The following FNDC10 variants were observed in gnomAD, a reference collection of about 807,000 sequenced individuals.
The protein encoded by FNDC10 is fibronectin type III domain containing 10.
In FNDC10, 8 loss-of-function variants were observed where a neutral mutation model predicts 11.6. The ratio of observed to expected loss-of-function variants is 0.69; its 90% CI spans 0.41 to 1.25. FNDC10 has a LOEUF of 1.25. Ranked by LOEUF, FNDC10 falls within the 50% of genes most tolerant of loss-of-function variation. The pLI is 0.01. For missense variants in FNDC10, 308 were observed against 330.2 expected (o/e 0.93, Z 0.52); for synonymous variants, 187 against 162.9 (o/e 1.15, Z -1.12).
Position 1,599,464 on chromosome 1 carries a change from C to G in FNDC10, c.552G>C (p.Val184=), listed in dbSNP as rs1452351602. 2 of 1,534,120 alleles carry G rather than the reference C, an allele frequency of 1.3e-6. No individual in the cohort carries two copies. Among genetic ancestry groups the G allele is most frequent in the Non-Finnish European group, 1.7e-6 (2 of 1,146,236 alleles). Residue 184 remains valine (V), a synonymous_variant, in exon 1 of 1, where the codon GTG becomes GTC. Transcript: ENST00000422725. The surrounding 1 kb of genome is among the most constrained non-coding windows in gnomAD (Gnocchi z 6.7). The part of the protein sequence containing the change: ...TAEPAGMQDI[V]VAMTAVGGSI... ...AGCCGCCCACCGCCGTCATGGCCAC[C>G]ACGATGTCCTGCATGCCGGCCGGCT... is the stretch of plus-strand genomic sequence containing the variant.
At position 1,599,035 on chromosome 1, in the gene FNDC10, G is replaced by T; in HGVS notation, c.*300C>A. The T allele has an allele frequency of 2.2e-6, 1 of 449,168 alleles. No homozygotes were observed. The highest frequency in any genetic ancestry group is 3.9e-6 in the Non-Finnish European group (1 of 254,828). 27.8% of individuals were successfully genotyped at this position (449,168 alleles called of 1,614,324 possible). A position where few individuals can be genotyped will look rare whatever the true frequency, so the allele number is the denominator to read the frequency against. On this transcript the variant is annotated 3_prime_UTR_variant, in exon 1 of 1. Transcript: ENST00000422725. The surrounding 1 kb of genome is among the most constrained non-coding windows in gnomAD (Gnocchi z 6.7). ...GCCGGAGTGCCCATGGCTCTTGCTG[G>T]AAGGGGCTCCATGCCCTGGCCGCCT... is the stretch of plus-strand genomic sequence containing the variant.
At position 1,600,096 on chromosome 1, in the gene FNDC10, C is replaced by A; in HGVS notation, c.-81G>T. On this transcript the variant is annotated 5_prime_UTR_variant, in exon 1 of 1. Coordinates refer to ENST00000422725, the MANE Select transcript of FNDC10 (RefSeq NM_001242659.2). ...TCCCCGCTGCCCGCTCCCCGCGATC[C>A]CCGGCGCGCCGCGCCCTCCGCCGCC... 1 of 715,176 alleles carries A rather than the reference C, an allele frequency of 1.4e-6. No homozygotes were observed. The highest frequency in any genetic ancestry group is 1.7e-6 in the Non-Finnish European group (1 of 586,698). The allele number at this position is 715,176 out of a possible 1,614,324, so 44.3% of individuals were successfully genotyped here.
Position 1,599,652 on chromosome 1 carries a change from C to T in FNDC10, c.364G>A (p.Glu122Lys), listed in dbSNP as rs1570421683. 1 of 1,472,260 alleles carries T rather than the reference C, an allele frequency of 6.8e-7. No individual in the cohort carries two copies. Among genetic ancestry groups the T allele is most frequent in the South Asian group, 1.3e-5 (1 of 78,534 alleles). 91.2% of individuals were successfully genotyped at this position (1,472,260 alleles called of 1,614,324 possible). A position where few individuals can be genotyped will look rare whatever the true frequency, so the allele number is the denominator to read the frequency against. The stretch of plus-strand genomic sequence containing the variant: ...CAGGAGGCCCCGAGGAGCACGCGCT[C>T]GCACGGGAAGCGCGTGTAGGCGCCG... ...WRGAYTRFPC[E>K]RVLLGASCRD... is the part of the protein sequence containing the mutation. The change falls in exon 1 of 1, where the codon GAG becomes AAG. Residue 122 changes from glutamate (E) to lysine (K), a missense_variant. Coordinates refer to ENST00000422725, the MANE Select transcript of FNDC10 (RefSeq NM_001242659.2). This position sits in a 1 kb window ranked among gnomAD's most constrained non-coding sequence, Gnocchi z 6.7.
In FNDC10 at chr1:1,599,602, C is replaced by T; in HGVS notation, c.414G>A (p.Val138=). The T allele has an allele frequency of 1.3e-6, 2 of 1,504,252 alleles. No individual in the cohort carries two copies. The highest frequency in any genetic ancestry group is 1.4e-5 in the African/African-American group (1 of 69,038). 93.2% of individuals were successfully genotyped at this position (1,504,252 alleles called of 1,614,324 possible). Residue 138 remains valine (V), a synonymous_variant, in exon 1 of 1, where the codon GTG becomes GTA. Transcript: ENST00000422725. This position sits in a 1 kb window ranked among gnomAD's most constrained non-coding sequence, Gnocchi z 6.7. ...ASCRDYLLPD[V]HDSVLYRLCL... is the part of the protein sequence containing the mutation. Reference sequence around the variant, plus strand: ...ACAGGCGGTAGAGGACGCTGTCGTGCACGTCGGGCAGCAGGTAGTCGCGGC... The same window carrying T: ...ACAGGCGGTAGAGGACGCTGTCGTGTACGTCGGGCAGCAGGTAGTCGCGGC...
In FNDC10 at chr1:1,599,219, C is replaced by T. The variant is rs1202838847; in HGVS notation, c.*116G>A. On this transcript the variant is annotated 3_prime_UTR_variant, in exon 1 of 1. Coordinates refer to ENST00000422725, the MANE Select transcript of FNDC10 (RefSeq NM_001242659.2). This position sits in a 1 kb window ranked among gnomAD's most constrained non-coding sequence, Gnocchi z 6.7. Reference sequence around the variant, plus strand: ...GCCGGAGCCGTCGCCGGCAGGTCCTCCTCCGCGGGGATCTTAAGGAGGCAG... The same window carrying T: ...GCCGGAGCCGTCGCCGGCAGGTCCTTCTCCGCGGGGATCTTAAGGAGGCAG... 9.4e-7 allele frequency: 1 copy of T among 1,067,246 alleles called. No individual in the cohort carries two copies. Among genetic ancestry groups the T allele is most frequent in the African/African-American group, 1.7e-5 (1 of 59,930 alleles). The allele number at this position is 1,067,246 out of a possible 1,614,324, so 66.1% of individuals were successfully genotyped here.
rs1372884092 is a variant in FNDC10 at position 1,600,068 on chromosome 1, C to T, written c.-53G>A. On this transcript the variant is annotated 5_prime_UTR_variant, in exon 1 of 1. Transcript: ENST00000422725. ...CTGGGTCACGCGGGCCGCGCCGCCG[C>T]CGTCCCCGCTGCCCGCTCCCCGCGA... 2 of 921,542 alleles carry T rather than the reference C, an allele frequency of 2.2e-6. No homozygotes were observed. Among genetic ancestry groups the T allele is most frequent in the Non-Finnish European group, 1.3e-6 (1 of 775,286 alleles). 57.1% of individuals were successfully genotyped at this position (921,542 alleles called of 1,614,324 possible). A position where few individuals can be genotyped will look rare whatever the true frequency, so the allele number is the denominator to read the frequency against.
At position 1,598,973 on chromosome 1, in the gene FNDC10, C is replaced by T; in HGVS notation, c.*362G>A. ...TGACCGAGCAATGGCGACGGTCTGT[C>T]TGGGACAATTCGGCACAGGATGGAG... On this transcript the variant is annotated 3_prime_UTR_variant, in exon 1 of 1. Coordinates refer to ENST00000422725, the MANE Select transcript of FNDC10 (RefSeq NM_001242659.2). 3.1e-6 allele frequency: 1 copy of T among 319,340 alleles called. No individual in the cohort carries two copies. The highest frequency in any genetic ancestry group is 5.7e-6 in the Non-Finnish European group (1 of 174,396). The allele number at this position is 319,340 out of a possible 1,614,324, so 19.8% of individuals were successfully genotyped here.
rs1196898650 is a variant in FNDC10, at chr1:1,599,608, G to A, written c.408C>T (p.Pro136=). The A allele has an allele frequency of 3.3e-6, 5 of 1,500,342 alleles. No homozygotes were observed. Among genetic ancestry groups the A allele is most frequent in the Non-Finnish European group, 1.8e-6 (2 of 1,130,822 alleles). The allele number at this position is 1,500,342 out of a possible 1,614,324, so 92.9% of individuals were successfully genotyped here. ...GGTAGAGGACGCTGTCGTGCACGTC[G>A]GGCAGCAGGTAGTCGCGGCAGGAGG... The part of the protein sequence containing the change: ...LGASCRDYLL[P]DVHDSVLYRL... The change falls in exon 1 of 1, where the codon CCC becomes CCT. Residue 136 remains proline (P), a synonymous_variant. Transcript: ENST00000422725. The surrounding 1 kb of genome is among the most constrained non-coding windows in gnomAD (Gnocchi z 6.7).
Position 1,599,120 on chromosome 1 carries a change from C to A in FNDC10, c.*215G>T. 1 of 564,880 alleles carries A rather than the reference C, an allele frequency of 1.8e-6. No individual in the cohort carries two copies. The allele number at this position is 564,880 out of a possible 1,614,324, so 35.0% of individuals were successfully genotyped here. A position where few individuals can be genotyped will look rare whatever the true frequency, so the allele number is the denominator to read the frequency against. ...GATGCGGCTGGCACAGCAGCGCAAG[C>A]CCAGGGGCCAATCCGGGGCCAGAGT... On this transcript the variant is annotated 3_prime_UTR_variant, in exon 1 of 1. Transcript: ENST00000422725. This position sits in a 1 kb window ranked among gnomAD's most constrained non-coding sequence, Gnocchi z 6.7.
Position 1,599,592 on chromosome 1 carries a change from C to T in FNDC10, c.424G>A (p.Val142Ile). ...DYLLPDVHDS[V>I]LYRLCLQPLP... ...GGCTGCAGGCACAGGCGGTAGAGGA[C>T]GCTGTCGTGCACGTCGGGCAGCAGG... Residue 142 changes from valine (V) to isoleucine (I), a missense_variant, in exon 1 of 1, where the codon GTC becomes ATC. Coordinates refer to ENST00000422725, the MANE Select transcript of FNDC10 (RefSeq NM_001242659.2). This position sits in a 1 kb window ranked among gnomAD's most constrained non-coding sequence, Gnocchi z 6.7. 6.6e-7 allele frequency: 1 copy of T among 1,508,698 alleles called. No individual in the cohort carries two copies. The highest frequency in any genetic ancestry group is 8.8e-7 in the Non-Finnish European group (1 of 1,136,120). The allele number at this position is 1,508,698 out of a possible 1,614,324, so 93.5% of individuals were successfully genotyped here.
rs1421325076 is a variant in FNDC10, at chr1:1,598,932, G to C, written c.*403C>G. ...GACAGGCTTGGAGAGCTGCGCCCCA[G>C]GCCTGCAAAGCACAGTGACCGAGCA... On this transcript the variant is annotated 3_prime_UTR_variant, in exon 1 of 1. Coordinates refer to ENST00000422725, the MANE Select transcript of FNDC10 (RefSeq NM_001242659.2). 4.8e-6 allele frequency: 1 copy of C among 208,324 alleles called. No individual in the cohort carries two copies. The highest frequency in any genetic ancestry group is 9.5e-6 in the Non-Finnish European group (1 of 105,494). The allele number at this position is 208,324 out of a possible 1,614,324, so 12.9% of individuals were successfully genotyped here.
rs1643076977 is a variant in FNDC10, at chr1:1,598,822, A to G, written c.*513T>C. On this transcript the variant is annotated 3_prime_UTR_variant, in exon 1 of 1. Transcript: ENST00000422725. ...TCTTAGGGCCACAGACCCCCCCTGG[A>G]CAGCAGAGGGTGTTGGCTCCTGCAG... 1 of 156,468 alleles carries G rather than the reference A, an allele frequency of 6.4e-6. No individual in the cohort carries two copies. The highest frequency in any genetic ancestry group is 1.4e-5 in the Non-Finnish European group (1 of 71,090). The allele number at this position is 156,468 out of a possible 1,614,324, so 9.7% of individuals were successfully genotyped here.
rs1643080614 is a variant in FNDC10 at position 1,599,140 on chromosome 1, CAGAGTCTG to C, written c.*187_*194del. ...GCAAGCCCAGGGGCCAATCCGGGGC[CAGAGTCTG>C]GGAGTCTGACGCCCGGCTGGAAAGG... On this transcript the variant is annotated 3_prime_UTR_variant, in exon 1 of 1. Coordinates refer to ENST00000422725, the MANE Select transcript of FNDC10 (RefSeq NM_001242659.2). This position sits in a 1 kb window ranked among gnomAD's most constrained non-coding sequence, Gnocchi z 6.7. The C allele has an allele frequency of 3.4e-6, 2 of 582,660 alleles. No individual in the cohort carries two copies. The highest frequency in any genetic ancestry group is 5.9e-6 in the Non-Finnish European group (2 of 341,544). 36.1% of individuals were successfully genotyped at this position (582,660 alleles called of 1,614,324 possible).
Position 1,599,842 on chromosome 1 carries a change from G to C in FNDC10, c.174C>G (p.Pro58=), listed in dbSNP as rs1643092012. 4 of 1,084,848 alleles carry C rather than the reference G, an allele frequency of 3.7e-6. No individual in the cohort carries two copies. The highest frequency in any genetic ancestry group is 8.6e-5 in the South Asian group (2 of 23,170). 67.2% of individuals were successfully genotyped at this position (1,084,848 alleles called of 1,614,324 possible). ...GAGCCTGGCAGCGGAAGCCGCGCGC[G>C]GGGCTGCGGAAGCACAGGCGCCCGC... The part of the protein sequence containing the change: ...AGGGRLCFRS[P]ARGFRCQAPG... The change falls in exon 1 of 1, where the codon CCC becomes CCG. Residue 58 remains proline, a synonymous_variant. Coordinates refer to ENST00000422725, the MANE Select transcript of FNDC10 (RefSeq NM_001242659.2). The surrounding 1 kb of genome is among the most constrained non-coding windows in gnomAD (Gnocchi z 6.7).
In FNDC10 at chr1:1,598,302, CG is replaced by C. The variant is rs932014118; in HGVS notation, c.*1032del. The C allele has an allele frequency of 3.3e-5, 5 of 152,588 alleles. No individual in the cohort carries two copies. The highest frequency in any genetic ancestry group is 9.6e-5 in the African/African-American group (4 of 41,562). 9.5% of individuals were successfully genotyped at this position (152,588 alleles called of 1,614,324 possible). A position where few individuals can be genotyped will look rare whatever the true frequency, so the allele number is the denominator to read the frequency against. ...CAGAAAGCAACCTCGGCCCGGGGCC[CG>C]GGTCTGCAGCAGGTGGGCAGGGTCA... On this transcript the variant is annotated 3_prime_UTR_variant, in exon 1 of 1. Transcript: ENST00000422725.
Position 1,599,081 on chromosome 1 carries a change from C to CGG in FNDC10, c.*252_*253dup. 1 of 528,006 alleles carries CGG rather than the reference C, an allele frequency of 1.9e-6. No individual in the cohort carries two copies. Among genetic ancestry groups the CGG allele is most frequent in the East Asian group, 3.3e-5 (1 of 30,100 alleles). The allele number at this position is 528,006 out of a possible 1,614,324, so 32.7% of individuals were successfully genotyped here. A position where few individuals can be genotyped will look rare whatever the true frequency, so the allele number is the denominator to read the frequency against. On this transcript the variant is annotated 3_prime_UTR_variant, in exon 1 of 1. Coordinates refer to ENST00000422725, the MANE Select transcript of FNDC10 (RefSeq NM_001242659.2). The surrounding 1 kb of genome is among the most constrained non-coding windows in gnomAD (Gnocchi z 6.7). The stretch of plus-strand genomic sequence containing the variant: ...CGCCTCTATAAAGGCCTGCGGAGAG[C>CGG]GGGGAGAGCCCTGGATGCGGCTGGC...
At position 1,600,100 on chromosome 1, in the gene FNDC10, G is replaced by GCGCGCCGCGCCCTCCGC. The variant is rs1643096997; in HGVS notation, c.-102_-86dup. 1.5e-6 allele frequency: 1 copy of GCGCGCCGCGCCCTCCGC among 676,992 alleles called. No individual in the cohort carries two copies. Among genetic ancestry groups the GCGCGCCGCGCCCTCCGC allele is most frequent in the Non-Finnish European group, 1.8e-6 (1 of 551,782 alleles). The allele number at this position is 676,992 out of a possible 1,614,324, so 41.9% of individuals were successfully genotyped here. Reference sequence around the variant, plus strand: ...CGCTGCCCGCTCCCCGCGATCCCCGGCGCGCCGCGCCCTCCGCCGCCGCCC... The same window carrying GCGCGCCGCGCCCTCCGC: ...CGCTGCCCGCTCCCCGCGATCCCCGGCGCGCCGCGCCCTCCGCCGCGCCGCGCCCTCCGCCGCCGCCC... On this transcript the variant is annotated 5_prime_UTR_variant, in exon 1 of 1. Coordinates refer to ENST00000422725, the MANE Select transcript of FNDC10 (RefSeq NM_001242659.2).
rs1643075977 is a variant in FNDC10, at chr1:1,598,760, AGGGGACGCTGG to A, written c.*564_*574del. 6.5e-6 allele frequency: 1 copy of A among 153,110 alleles called. No homozygotes were observed. The highest frequency in any genetic ancestry group is 2.0e-4 in the South Asian group (1 of 4,974). The allele number at this position is 153,110 out of a possible 1,614,324, so 9.5% of individuals were successfully genotyped here. ...GCGCTTGAGGGTGAAGGTGTCTCCA[AGGGGACGCTGG>A]CCAGATGCATGGAGAGGCCGGCCAA... On this transcript the variant is annotated 3_prime_UTR_variant, in exon 1 of 1. Transcript: ENST00000422725.
chr1:1,599,627 C>T lies in FNDC10; in HGVS notation c.389G>A (p.Cys130Tyr). Reference sequence around the variant, plus strand: ...CACGTCGGGCAGCAGGTAGTCGCGGCAGGAGGCCCCGAGGAGCACGCGCTC... The same window carrying T: ...CACGTCGGGCAGCAGGTAGTCGCGGTAGGAGGCCCCGAGGAGCACGCGCTC... ...PCERVLLGASCRDYLLPDVHD... is the reference protein window; with the variant it reads ...PCERVLLGASYRDYLLPDVHD... Residue 130 changes from cysteine to tyrosine, a missense_variant, in exon 1 of 1, where the codon TGC becomes TAC. Coordinates refer to ENST00000422725, the MANE Select transcript of FNDC10 (RefSeq NM_001242659.2). The surrounding 1 kb of genome is among the most constrained non-coding windows in gnomAD (Gnocchi z 6.7). 2 of 1,496,068 alleles carry T rather than the reference C, an allele frequency of 1.3e-6. No individual in the cohort carries two copies. Among genetic ancestry groups the T allele is most frequent in the South Asian group, 1.2e-5 (1 of 80,552 alleles). 92.7% of individuals were successfully genotyped at this position (1,496,068 alleles called of 1,614,324 possible).
Sources: allele counts gnomAD v4.1 joint callset, GRCh38; gene constraint gnomAD v4.1.1; non-coding constraint Gnocchi (gnomAD v3.1); transcripts MANE v1.5; gene names NCBI Gene and HGNC (gene_info 2026-07-23, HGNC 2026-07-21).